The following ADGRL2 variants were observed in gnomAD, a reference collection of about 807,000 sequenced individuals.
ADGRL2 encodes the protein adhesion G protein-coupled receptor L2, also known as calcium-independent alpha-latrotoxin receptor 2.
In ADGRL2, 44 loss-of-function variants were observed where a neutral mutation model predicts 157.4. The ratio of observed to expected loss-of-function variants is 0.28; its 90% CI spans 0.22 to 0.36. ADGRL2 has a LOEUF of 0.36. Among genes scored for constraint, ADGRL2 ranks in the 10% least tolerant of loss-of-function variants. The pLI is 1.00. For missense variants in ADGRL2, 1,510 were observed against 1,768.9 expected, an observed-to-expected ratio of 0.85 and a Z score of 2.63; for synonymous variants, 585 against 624.7, an observed-to-expected ratio of 0.94 and a Z score of 0.95.
intron 3 of ADGRL2, among the ~76,000 whole-genome samples, chr1:81,920,319 A>T (rs1047204472): frequency 6.6e-6 from 1 of 152,176 alleles, no homozygotes; most frequent in African/African-American, 2.4e-5. Flanking sequence ...AGTAGTATTA[A>T]AAGAACTGTC....
chr1:81,917,848 A>G (rs1227755267), intron 3 of ADGRL2, among the ~76,000 whole-genome samples: 1 of 143,386 alleles, frequency 7.0e-6, no homozygotes, highest in Non-Finnish European at 1.6e-5. Flanking sequence ...AGATAGATTC[A>G]TGGTAAACCC....
chr1:81,796,515 A>G (rs1557658481), upstream of ADGRL2, among the ~76,000 whole-genome samples: 1 of 152,232 alleles, frequency 6.6e-6, no homozygotes, highest in East Asian at 1.9e-4. Flanking sequence ...TCTATGGGAA[A>G]GAAAAACTTT....
chr1:81,630,351 A>G (rs1431315559), intron 3 of ADGRL2, among the ~76,000 whole-genome samples: 1 of 152,148 alleles, frequency 6.6e-6, no homozygotes, highest in African/African-American at 2.4e-5. Context: ...CTCTCAGCTA[A>G]TAACTTTTTA....
intron 2 of ADGRL2, among the ~76,000 whole-genome samples, chr1:81,766,354 G>C (rs2086117060): frequency 6.6e-6 from 1 of 151,910 alleles, no homozygotes; most frequent in East Asian, 1.9e-4. Context: ...TCGTAAGTTG[G>C]CTTCTGAAAT....
intron 1 of ADGRL2, among the ~76,000 whole-genome samples, chr1:81,400,838 T>C (rs1341768683): frequency 6.6e-6 from 1 of 151,964 alleles, no homozygotes; most frequent in Non-Finnish European, 1.5e-5. Context: ...GGAAGTAGAG[T>C]ACTAGAGTTA....
intron 2 of ADGRL2, among the ~76,000 whole-genome samples, chr1:81,489,195 A>G (rs569770425): frequency 6.6e-6 from 1 of 152,028 alleles, no homozygotes; most frequent in African/African-American, 2.4e-5. Flanking sequence ...TGAGATTGCA[A>G]CACTGCACTC....
At chr1:81,506,660 T>G (rs1411679977) in intron 2 of ADGRL2, among the ~76,000 whole-genome samples, 1 of 151,904 alleles carries the variant, frequency 6.6e-6, no homozygotes, top group African/African-American at 2.4e-5. Flanking sequence ...CAGTGAGATG[T>G]GATGGCACCA....
chr1:81,472,514 C>T (rs2101874437), intron 2 of ADGRL2, among the ~76,000 whole-genome samples: 1 of 152,174 alleles, frequency 6.6e-6, no homozygotes, highest in East Asian at 1.9e-4. Context: ...GCCTGTAATC[C>T]CAGCTACTCA....
intron 1 of ADGRL2, among the ~76,000 whole-genome samples, chr1:81,738,983 G>C (rs2084987935): frequency 6.6e-6 from 1 of 152,198 alleles, no homozygotes; most frequent in Non-Finnish European, 1.5e-5. Context: ...CCAGGGACCA[G>C]TGGCCTAGTG....
At chr1:81,441,785 G>A (rs898398747) in intron 1 of ADGRL2, among the ~76,000 whole-genome samples, 5 of 152,096 alleles carry the variant, frequency 3.3e-5, no homozygotes, top group Admixed American at 6.5e-5. Context: ...TGATCCGCCC[G>A]CCTTGGCTTC....
At chr1:81,730,631 G>A (rs902962191) in intron 1 of ADGRL2, among the ~76,000 whole-genome samples, 3 of 151,966 alleles carry the variant, frequency 2.0e-5, no homozygotes, top group Admixed American at 6.6e-5. Context: ...GCTGAGGCAC[G>A]AGAATTGCTT....
intron 3 of ADGRL2, among the ~76,000 whole-genome samples, chr1:81,671,119 G>T (rs993145543): frequency 2.6e-5 from 4 of 152,166 alleles, no homozygotes; most frequent in Admixed American, 2.6e-4. Context: ...TCCACTCTCT[G>T]CAAAATTCTG....
intron 2 of ADGRL2, among the ~76,000 whole-genome samples, chr1:81,868,387 A>C (rs1052708159): frequency 6.6e-6 from 1 of 152,070 alleles, no homozygotes; most frequent in African/African-American, 2.4e-5. Context: ...ACTTTGTGAA[A>C]TATAAATTGG....
intron 3 of ADGRL2, among the ~76,000 whole-genome samples, chr1:81,634,623 C>T (rs987982146): frequency 2.6e-5 from 4 of 151,718 alleles, no homozygotes; most frequent in Non-Finnish European, 4.4e-5. Flanking sequence ...CCACTTCTGC[C>T]TCCTGGGTTC....
At chr1:81,564,471 C>T (rs2148467293) in intron 2 of ADGRL2, among the ~76,000 whole-genome samples, 2 of 152,282 alleles carry the variant, frequency 1.3e-5, no homozygotes, top group South Asian at 4.1e-4. Flanking sequence ...CTAACGGTCT[C>T]ATTTTCTCAT....
chr1:81,699,991 C>A (rs771425723), intron 1 of ADGRL2, among the ~76,000 whole-genome samples: 30 of 152,114 alleles, frequency 2.0e-4, no homozygotes, highest in Non-Finnish European at 3.8e-4. Flanking sequence ...CCAGCCCCTG[C>A]AATAGCTGTC....
At chr1:81,721,956 A>G in intron 1 of ADGRL2, 1 of 625,134 alleles carries the variant, frequency 1.6e-6, no homozygotes, top group Non-Finnish European at 3.0e-6. Flanking sequence ...TGAATGGGTG[A>G]TTGAACCAGA....
chr1:81,354,897 G>A (rs187351746), intron 1 of ADGRL2, among the ~76,000 whole-genome samples: 199 of 152,172 alleles, frequency 1.3e-3, no homozygotes, highest in African/African-American at 4.5e-3. Context: ...CATTTAACCC[G>A]TGGCTGCCTC....
rs369620139 is a variant in ADGRL2, at chr1:81,790,249, T to C, written c.-101+28397T>C. Among the ~76,000 whole-genome samples, 9 of 152,158 alleles carry C rather than the reference T, an allele frequency of 5.9e-5. No individual in the cohort carries two copies. In the East Asian group the frequency reaches 1.2e-3, roughly 20 times the overall value. ...CTTTCCTTGAGATATTTCCCACCTA[T>C]CTAATGCACGCACACACACACACAT... On this transcript the variant is annotated intron_variant, in intron 2 of 20. Coordinates refer to the ADGRL2 transcript ENST00000359929.
Sources: gnomAD v4.1 joint callset for allele counts (sites outside exome capture counted in the v4.1 genomes callset) on GRCh38, gnomAD v4.1.1 for gene constraint, MANE v1.5 for transcripts, NCBI Gene and HGNC (gene_info 2026-07-23, HGNC 2026-07-21) for gene names.